The following CMKLR2 variants were observed in gnomAD, a reference collection of about 807,000 sequenced individuals.
CMKLR2 encodes the protein chemerin chemokine-like receptor 2.
A neutral mutation model predicts 23.0 loss-of-function variants in CMKLR2; 18 were observed. The ratio of observed to expected loss-of-function variants is 0.78; its 90% confidence interval spans 0.54 to 1.16. The LOEUF is 1.16. Ranked by LOEUF, CMKLR2 falls within the 50% of genes most tolerant of loss-of-function variation. The pLI is 0.00. For missense variants in CMKLR2, 401 were observed against 412.7 expected, an observed-to-expected ratio of 0.97 and a Z score of 0.25; for synonymous variants, 158 against 158.9, an observed-to-expected ratio of 0.99 and a Z score of 0.05.
intron 1 of CMKLR2, among the ~76,000 whole-genome samples, chr2:206,199,536 T>A (rs563020745): frequency 4.6e-5 from 7 of 151,926 alleles, no homozygotes; most frequent in Admixed American, 3.3e-4. Context: ...GACCTTCAAA[T>A]AGAAAACATA....
intron 1 of CMKLR2, among the ~76,000 whole-genome samples, chr2:206,194,093 T>C (rs917043426): frequency 6.6e-5 from 10 of 152,184 alleles, no homozygotes; most frequent in Non-Finnish European, 1.5e-4. Context: ...CCTTGCAGAA[T>C]ATATTGAGAT....
intron 1 of CMKLR2, among the ~76,000 whole-genome samples, chr2:206,206,917 C>T (rs982918271): frequency 9.5e-5 from 12 of 126,154 alleles, no homozygotes; most frequent in South Asian, 2.7e-4. Context: ...CCCCCTGCCC[C>T]TTTTTTTTTT....
At chr2:206,209,252 C>T (rs1443120270) in intron 1 of CMKLR2, among the ~76,000 whole-genome samples, 1 of 151,694 alleles carries the variant, frequency 6.6e-6, no homozygotes, top group Non-Finnish European at 1.5e-5. Flanking sequence ...GTGTGAGAAT[C>T]GCTTGAACCT....
intron 1 of CMKLR2, among the ~76,000 whole-genome samples, chr2:206,177,938 A>T (rs1046212651): frequency 1.3e-5 from 2 of 152,214 alleles, no homozygotes; most frequent in African/African-American, 4.8e-5. Context: ...TTTATGGCAG[A>T]TGCAAAAGAA....
At chr2:206,186,255 G>A (rs1041852128) in intron 1 of CMKLR2, among the ~76,000 whole-genome samples, 1 of 151,944 alleles carries the variant, frequency 6.6e-6, no homozygotes, top group Non-Finnish European at 1.5e-5. Context: ...GGGACTACAG[G>A]TGCCCACCAC....
chr2:206,191,060 C>A (rs1308064436), intron 1 of CMKLR2, among the ~76,000 whole-genome samples: 1 of 152,122 alleles, frequency 6.6e-6, no homozygotes, highest in Admixed American at 6.5e-5. Flanking sequence ...AGATAATTAA[C>A]ACAGATGTAT....
At chr2:206,195,524 C>T (rs2105820168) in intron 1 of CMKLR2, among the ~76,000 whole-genome samples, 1 of 152,266 alleles carries the variant, frequency 6.6e-6, no homozygotes. Flanking sequence ...CCAGAAGGCA[C>T]TGACTCATGC....
chr2:206,216,796 A>C (rs1280540703), upstream of CMKLR2, among the ~76,000 whole-genome samples: 3 of 152,230 alleles, frequency 2.0e-5, no homozygotes, highest in African/African-American at 7.2e-5. Context: ...ATTTATATTA[A>C]TCTAATGAAG....
intron 1 of CMKLR2, among the ~76,000 whole-genome samples, chr2:206,189,384 C>T (rs1406794306): frequency 6.6e-6 from 1 of 152,156 alleles, no homozygotes; most frequent in East Asian, 1.9e-4. Flanking sequence ...CCTATAATCC[C>T]AGCACTTTGA....
intron 1 of CMKLR2, among the ~76,000 whole-genome samples, chr2:206,196,547 A>T (rs553981220): frequency 6.6e-6 from 1 of 152,304 alleles, no homozygotes; most frequent in East Asian, 1.9e-4. Flanking sequence ...GAGGAGGATG[A>T]CTTGATAGGA....
intron 1 of CMKLR2, among the ~76,000 whole-genome samples, chr2:206,207,728 C>CT (rs71034423): frequency 0.042 from 1,841 of 43,342 alleles, 310 homozygotes; most frequent in East Asian, 0.15. Context: ...ACCTCAGGGC[C>CT]TTTTTTTTTT....
intron 1 of CMKLR2, among the ~76,000 whole-genome samples, chr2:206,195,286 G>A (rs35283900): frequency 0.2 from 30,764 of 152,056 alleles, 3,241 homozygotes; most frequent in Admixed American, 0.28. Flanking sequence ...TGAGAAAGGA[G>A]GACTTAAGGA....
chr2:206,210,757 G>A (rs997132792), intron 1 of CMKLR2, among the ~76,000 whole-genome samples: 2 of 152,044 alleles, frequency 1.3e-5, no homozygotes, highest in Non-Finnish European at 2.9e-5. Flanking sequence ...CACCGTGCCC[G>A]GCCTGCAAAT....
At chr2:206,202,690 G>A (rs1187507720) in intron 1 of CMKLR2, among the ~76,000 whole-genome samples, 1 of 147,996 alleles carries the variant, frequency 6.8e-6, no homozygotes, top group Admixed American at 6.7e-5. Flanking sequence ...TTCGGGTGGG[G>A]ATGGGGGAGG....
chr2:206,213,479 T>A (rs1689642764), upstream of CMKLR2: 1 of 152,282 alleles, frequency 6.6e-6, no homozygotes, highest in Non-Finnish European at 1.5e-5. Context: ...ATGTGGTTCT[T>A]CCCTTCCCCC....
At chr2:206,213,881 T>A (rs1436125692), upstream of CMKLR2, 1 of 152,226 alleles carries the variant, frequency 6.6e-6, no homozygotes, top group Non-Finnish European at 1.5e-5. Context: ...TGAGTCGGAG[T>A]CTCGCTCTGT....
chr2:206,176,803 G>C lies in CMKLR2; in HGVS notation c.445C>G (p.Arg149Gly), dbSNP rs150274953. ...LIHPVLSHRH[R>G]TLKNSLIVII... ...ACAATCAGAGAGTTCTTGAGGGTTC[G>C]ATGCCGATGAGATAAGACAGGATGG... The change falls in exon 2 of 2, where the codon CGA (arginine) becomes GGA (glycine). Residue 149 changes from arginine to glycine, a missense_variant. Transcript: ENST00000621141. 2 of 1,614,110 alleles carry C rather than the reference G, an allele frequency of 1.2e-6. No individual in the cohort carries two copies. Among genetic ancestry groups the C allele is most frequent in the Admixed American group, 1.7e-5 (1 of 60,002 alleles).
intron 1 of CMKLR2, among the ~76,000 whole-genome samples, chr2:206,206,117 T>C (rs903094897): frequency 6.6e-6 from 1 of 152,176 alleles, no homozygotes; most frequent in Non-Finnish European, 1.5e-5. Flanking sequence ...AACACCATAT[T>C]TATCTGTGAA....
upstream of CMKLR2, among the ~76,000 whole-genome samples, chr2:206,214,632 AT>A (rs1014005064): frequency 5.3e-4 from 78 of 146,862 alleles, no homozygotes; most frequent in African/African-American, 1.8e-3. Context: ...TTTTATTATT[AT>A]TTTTTTTTGA....
Sources: allele counts gnomAD v4.1 joint callset (sites outside exome capture counted in the v4.1 genomes callset), GRCh38; gene constraint gnomAD v4.1.1; transcripts MANE v1.5; gene names NCBI Gene and HGNC (gene_info 2026-07-23, HGNC 2026-07-21).